MYT1L: variants seen among roughly 807,000 people sequenced by gnomAD.
The protein encoded by MYT1L is myelin transcription factor 1-like protein.
MYT1L carries 12 observed loss-of-function variants against 126.7 expected under a neutral mutation model. That is an observed-to-expected ratio of 0.09 (90% CI 0.06 to 0.15). The LOEUF (loss-of-function observed/expected upper bound fraction) is 0.15, where lower values mean the gene tolerates loss of function less well. MYT1L is among the 10% of genes least tolerant of loss of function. MYT1L has a pLI of 1.00. For synonymous variants in MYT1L, 541 were observed against 604.2 expected (o/e 0.90, Z 1.53); for missense variants, 979 against 1,585.2 (o/e 0.62, Z 6.49).
At chr2:2,013,068 T>C (rs2063996039) in intron 4 of MYT1L, among the ~76,000 whole-genome samples, 1 of 152,196 alleles carries the variant, frequency 6.6e-6, no homozygotes. Context: ...ATCCCACAGA[T>C]ACAGGAGAAC....
chr2:2,242,895 C>T (rs937660883), intron 2 of MYT1L, among the ~76,000 whole-genome samples: 18 of 152,116 alleles, frequency 1.2e-4, no homozygotes, highest in African/African-American at 4.3e-4. Context: ...ACAAGACAGA[C>T]CAGCTCTCTA....
chr2:2,022,215 TC>T (rs2065108105), intron 4 of MYT1L, among the ~76,000 whole-genome samples: 1 of 152,134 alleles, frequency 6.6e-6, no homozygotes, highest in Admixed American at 6.5e-5. Context: ...CAGGATTCCT[TC>T]CAAATTGGGA....
intron 18 of MYT1L, among the ~76,000 whole-genome samples, chr2:1,869,159 T>C (rs1244711991): frequency 6.8e-6 from 1 of 146,018 alleles, no homozygotes; most frequent in East Asian, 1.9e-4. Context: ...CAATCCTCTT[T>C]TCCACGTGCC....
At chr2:2,106,144 C>G (rs1433034899) in intron 3 of MYT1L, among the ~76,000 whole-genome samples, 1 of 152,204 alleles carries the variant, frequency 6.6e-6, no homozygotes, top group African/African-American at 2.4e-5. Flanking sequence ...ATCGGACGAC[C>G]AGAAGCCCCG....
At chr2:2,318,961 A>G (rs958363421) in intron 1 of MYT1L, among the ~76,000 whole-genome samples, 32 of 152,212 alleles carry the variant, frequency 2.1e-4, no homozygotes, top group African/African-American at 7.2e-4. Flanking sequence ...TTAATTCTAA[A>G]TAGGCAGGTA....
chr2:2,291,356 C>T (rs2095597144), intron 1 of MYT1L, among the ~76,000 whole-genome samples: 1 of 152,124 alleles, frequency 6.6e-6, no homozygotes, highest in African/African-American at 2.4e-5. Flanking sequence ...CTAGAGAAGC[C>T]CATGATTTTA....
At chr2:1,826,670 G>C (rs1020244284) in intron 21 of MYT1L, among the ~76,000 whole-genome samples, 12 of 152,188 alleles carry the variant, frequency 7.9e-5, no homozygotes, top group Non-Finnish European at 1.3e-4. Flanking sequence ...ACCGGGTACC[G>C]GGTCAGTGCA....
At chr2:2,021,527 T>C (rs1442875135) in intron 4 of MYT1L, among the ~76,000 whole-genome samples, 1 of 152,204 alleles carries the variant, frequency 6.6e-6, no homozygotes, top group East Asian at 1.9e-4. Flanking sequence ...GGTCATATTT[T>C]CACTTATCTG....
chr2:2,286,800 C>T (rs2095527201), intron 1 of MYT1L, among the ~76,000 whole-genome samples: 1 of 152,192 alleles, frequency 6.6e-6, no homozygotes, highest in Non-Finnish European at 1.5e-5. Flanking sequence ...AGGCTTCCCT[C>T]CCCACCCACC....
In MYT1L at chr2:1,889,261, C is replaced by T. The variant is rs1220453586; in HGVS notation, c.2500G>A (p.Asp834Asn). ...CATACAGTAATGTCTTTGGACTCGT[C>T]CTCGTCTATCCTCCGGGGTTTCATT... ...TKMKPRRIDE[D>N]ESKDITPEDL... The change falls in exon 16 of 25, where the codon GAC (aspartate) becomes AAC (asparagine). Residue 834 changes from aspartate (D) to asparagine (N), a missense_variant. By Grantham distance (23) the Asp-to-Asn change is conservative. Transcript: ENST00000647738. This position sits in a 1 kb window ranked among gnomAD's most constrained non-coding sequence, Gnocchi z 4.1. 1 of 1,613,812 alleles carries T rather than the reference C, an allele frequency of 6.2e-7. No individual in the cohort carries two copies. Among genetic ancestry groups the T allele is most frequent in the Non-Finnish European group, 8.5e-7 (1 of 1,179,888 alleles).
intron 2 of MYT1L, among the ~76,000 whole-genome samples, chr2:2,222,789 T>C (rs1329039393): frequency 6.6e-6 from 1 of 151,992 alleles, no homozygotes; most frequent in Non-Finnish European, 1.5e-5. Flanking sequence ...AAATACAAGT[T>C]TGTCATAACA....
Position 1,889,415 on chromosome 2 carries a change from C to T in MYT1L, c.2346G>A (p.Pro782=), listed in dbSNP as rs557858474. ...TLDLSMNKQR[P]RDSCCPILTP... Reference sequence around the variant, plus strand: ...TCAGGATGGGGCAGCAGCTGTCCCGCGGCCTCTGCTTGTTCATGCTGAGGT... The same window carrying T: ...TCAGGATGGGGCAGCAGCTGTCCCGTGGCCTCTGCTTGTTCATGCTGAGGT... The change falls in exon 16 of 25, where the codon CCG becomes CCA. Residue 782 remains proline, a synonymous_variant. Transcript: ENST00000647738. This position sits in a 1 kb window ranked among gnomAD's most constrained non-coding sequence, Gnocchi z 4.1. The T allele has an allele frequency of 7.4e-6, 12 of 1,613,732 alleles. No homozygotes were observed. Among genetic ancestry groups the T allele is most frequent in the East Asian group, 6.7e-5 (3 of 44,860 alleles).
At chr2:1,957,101 G>T (rs1353290462) in intron 8 of MYT1L, among the ~76,000 whole-genome samples, 1 of 152,172 alleles carries the variant, frequency 6.6e-6, no homozygotes, top group African/African-American at 2.4e-5. Context: ...CGGGCACAGG[G>T]AGGGGTGCTG....
At chr2:1,988,739 A>C (rs2061242194) in intron 5 of MYT1L, among the ~76,000 whole-genome samples, 1 of 152,216 alleles carries the variant, frequency 6.6e-6, no homozygotes, top group Non-Finnish European at 1.5e-5. Flanking sequence ...GGTGCATAGC[A>C]GATGCTCTCC....
At chr2:2,104,320 T>C (rs1352320932) in intron 3 of MYT1L, among the ~76,000 whole-genome samples, 3 of 152,250 alleles carry the variant, frequency 2.0e-5, no homozygotes, top group African/African-American at 7.2e-5. Flanking sequence ...GATGATAAGA[T>C]ACTTTGAAGT....
At chr2:2,119,872 C>G (rs892316758) in intron 3 of MYT1L, among the ~76,000 whole-genome samples, 1 of 151,658 alleles carries the variant, frequency 6.6e-6, no homozygotes, top group African/African-American at 2.4e-5. Context: ...TTTTTTTAAT[C>G]ATAGCTATCT....
intron 13 of MYT1L, among the ~76,000 whole-genome samples, chr2:1,903,926 C>CGTGTGT (rs140944278): frequency 7.3e-5 from 11 of 150,588 alleles, no homozygotes; most frequent in Non-Finnish European, 1.0e-4. Context: ...GACACCATGT[C>CGTGTGT]GTGTGTGTGT....
At chr2:1,894,328 G>C (rs115227252) in intron 14 of MYT1L, among the ~76,000 whole-genome samples, 1 of 152,152 alleles carries the variant, frequency 6.6e-6, no homozygotes, top group Admixed American at 6.5e-5. Flanking sequence ...AGAGACCACC[G>C]TGGGGCTGCA....
intron 2 of MYT1L, among the ~76,000 whole-genome samples, chr2:2,219,902 C>G (rs1423410963): frequency 3.3e-5 from 5 of 152,216 alleles, no homozygotes; most frequent in South Asian, 2.1e-4. Flanking sequence ...AATTTATGTT[C>G]AAGTGCTATT....
Sources: allele counts gnomAD v4.1 joint callset (sites outside exome capture counted in the v4.1 genomes callset), GRCh38; gene constraint gnomAD v4.1.1; non-coding constraint Gnocchi (gnomAD v3.1); transcripts MANE v1.5; gene names NCBI Gene and HGNC (gene_info 2026-07-23, HGNC 2026-07-21).